The following DNAJC15 variants were observed in gnomAD, a reference collection of about 807,000 sequenced individuals.
DNAJC15 encodes the protein DnaJ heat shock protein family (Hsp40) member C15, also known as dnaJ homolog subfamily C member 15.
In DNAJC15, 27 loss-of-function variants were observed where a neutral mutation model predicts 22.4. That is an observed-to-expected ratio of 1.20 (90% CI 0.89 to 1.66). The LOEUF is 1.66. Ranked by LOEUF, DNAJC15 falls within the 40% of genes most tolerant of loss-of-function variation. The probability of loss-of-function intolerance (pLI) is 0.00; values close to 1 mark genes in which losing one functional copy is unlikely to be tolerated. For missense variants in DNAJC15, 208 were observed against 187.1 expected (o/e 1.11, Z -0.65); for synonymous variants, 79 against 63.2 (o/e 1.25, Z -1.19).
intron 5 of DNAJC15, among the ~76,000 whole-genome samples, chr13:43,095,651 G>A (rs540349094): frequency 1.4e-3 from 206 of 152,146 alleles, no homozygotes; most frequent in Non-Finnish European, 2.2e-3. Context: ...GTTAGAAAAG[G>A]GGAAATCATC....
At chr13:43,076,316 C>T (rs1207112758) in intron 3 of DNAJC15, among the ~76,000 whole-genome samples, 1 of 152,076 alleles carries the variant, frequency 6.6e-6, no homozygotes, top group East Asian at 1.9e-4. Context: ...AATTAATTGC[C>T]AGGAATTATT....
intron 1 of DNAJC15, among the ~76,000 whole-genome samples, chr13:43,053,910 TCTCTTGTTTGATTG>T (rs2040517489): frequency 6.6e-6 from 1 of 152,202 alleles, no homozygotes; most frequent in South Asian, 2.1e-4. Context: ...TTTATTTCCC[TCTCTTGTTTGATTG>T]CTCTGGCTAG....
At chr13:43,090,400 C>T (rs962568835) in intron 5 of DNAJC15, among the ~76,000 whole-genome samples, 1 of 152,124 alleles carries the variant, frequency 6.6e-6, no homozygotes, top group African/African-American at 2.4e-5. Flanking sequence ...TAGTTCATTA[C>T]GTAGGAACTA....
At chr13:43,039,545 T>G (rs2040443704) in intron 1 of DNAJC15, among the ~76,000 whole-genome samples, 1 of 152,200 alleles carries the variant, frequency 6.6e-6, no homozygotes, top group Non-Finnish European at 1.5e-5. Context: ...AAGGCTAATT[T>G]GAAGACATAG....
chr13:43,038,536 T>C (rs1032370824), intron 1 of DNAJC15, among the ~76,000 whole-genome samples: 2 of 152,182 alleles, frequency 1.3e-5, no homozygotes, highest in Non-Finnish European at 2.9e-5. Flanking sequence ...CTCATGCCTG[T>C]AATCCCAGCA....
At chr13:43,099,830 G>C (rs1056027461) in intron 5 of DNAJC15, among the ~76,000 whole-genome samples, 1 of 151,972 alleles carries the variant, frequency 6.6e-6, no homozygotes, top group South Asian at 2.1e-4. Context: ...GCTGGGTTTG[G>C]TTTGCTAGTA....
At chr13:43,083,031 G>A (rs2040670405) in intron 4 of DNAJC15, among the ~76,000 whole-genome samples, 1 of 151,796 alleles carries the variant, frequency 6.6e-6, no homozygotes, top group African/African-American at 2.4e-5. Context: ...AAAATTATTT[G>A]CATAGTAATC....
chr13:43,053,195 G>C (rs2040513607), intron 1 of DNAJC15, among the ~76,000 whole-genome samples: 1 of 152,072 alleles, frequency 6.6e-6, no homozygotes, highest in Non-Finnish European at 1.5e-5. Context: ...TTGCTTTGTG[G>C]AAGATCAGTT....
In DNAJC15 at chr13:43,108,671, G is replaced by A. The variant is rs1444801479; in HGVS notation, c.*1423G>A. The A allele has an allele frequency of 6.6e-6, 1 of 152,082 alleles. No individual in the cohort carries two copies. The highest frequency in any genetic ancestry group is 1.9e-4 in the East Asian group (1 of 5,196). The allele number at this position is 152,082 out of a possible 1,614,324, so 9.4% of individuals were successfully genotyped here. On this transcript the variant is annotated 3_prime_UTR_variant, in exon 6 of 6. Coordinates refer to ENST00000379221, the MANE Select transcript of DNAJC15 (RefSeq NM_013238.3). ...GTCTCTTGTGCGTTTTAGATGATTAGCAATAATCCCTGACCTGTTATCTAC... is the reference window on the plus strand; with the variant it reads ...GTCTCTTGTGCGTTTTAGATGATTAACAATAATCCCTGACCTGTTATCTAC...
chr13:43,039,643 A>G (rs1727668455), intron 1 of DNAJC15, among the ~76,000 whole-genome samples: 1 of 152,224 alleles, frequency 6.6e-6, no homozygotes, highest in Non-Finnish European at 1.5e-5. Context: ...ATAAAATGAT[A>G]AAAGCTGTTG....
Position 43,072,687 on chromosome 13 carries a change from C to T in DNAJC15, c.234+3684C>T, listed in dbSNP as rs774818198. The stretch of plus-strand genomic sequence containing the variant: ...TAAGTGATTTTCCTACCTCAGCTTC[C>T]TAAGTAGTTGGGATTGCAGGCACTC... On this transcript the variant is annotated intron_variant, in intron 3 of 5. Transcript: ENST00000379221. Among the ~76,000 whole-genome samples the T allele has an allele frequency of 1.1e-3, 171 of 152,090 alleles. 2 individuals are homozygous for T. Among genetic ancestry groups the T allele is most frequent in the Non-Finnish European group, 6.5e-4 (44 of 68,010 alleles).
Position 43,052,655 on chromosome 13 carries a change from G to A in DNAJC15, c.109-13031G>A, listed in dbSNP as rs149914668. Among the ~76,000 whole-genome samples the A allele has an allele frequency of 8.5e-3, 1,289 of 152,284 alleles. 9 individuals carry two copies. The highest frequency in any genetic ancestry group is 0.027 in the Middle Eastern group (8 of 294). On this transcript the variant is annotated intron_variant, in intron 1 of 5. Coordinates refer to ENST00000379221, the MANE Select transcript of DNAJC15 (RefSeq NM_013238.3). The stretch of plus-strand genomic sequence containing the variant: ...GGTCTCGAACTCCCTGACCTCAGGT[G>A]ATCCACCTGCCTTGGCCTCCCAAAA...
chr13:43,071,177 T>C (rs1029832174), intron 3 of DNAJC15, among the ~76,000 whole-genome samples: 1 of 152,164 alleles, frequency 6.6e-6, no homozygotes, highest in African/African-American at 2.4e-5. Flanking sequence ...TCTTCAGTAG[T>C]TGGTAGAGGC....
intron 3 of DNAJC15, among the ~76,000 whole-genome samples, chr13:43,072,224 TTTC>T (rs2040612573): frequency 6.6e-6 from 1 of 152,192 alleles, no homozygotes; most frequent in African/African-American, 2.4e-5. Context: ...GGATTTTCTC[TTTC>T]TTACTGATGT....
intron 5 of DNAJC15, among the ~76,000 whole-genome samples, chr13:43,092,460 T>C (rs1451220803): frequency 4.6e-5 from 7 of 152,044 alleles, no homozygotes; most frequent in Non-Finnish European, 8.8e-5. Flanking sequence ...TTACATTTAA[T>C]GTAGTTTACT....
chr13:43,072,533 C>T (rs2040613762), intron 3 of DNAJC15, among the ~76,000 whole-genome samples: 1 of 151,716 alleles, frequency 6.6e-6, no homozygotes, highest in Non-Finnish European at 1.5e-5. Flanking sequence ...TGGCCTTTAG[C>T]AATGTCTATT....
In DNAJC15 at chr13:43,085,833, A is replaced by C; in HGVS notation, c.377A>C (p.Asp126Ala). The C allele has an allele frequency of 3.1e-6, 5 of 1,613,084 alleles. No individual in the cohort carries two copies. Among genetic ancestry groups the C allele is most frequent in the Non-Finnish European group, 4.2e-6 (5 of 1,179,588 alleles). ...AGAGTCATGATTTTGAATCACCCAG[A>C]TAAAGGTAGGTAGAATTCCTATTTT... Reference protein sequence around the residue: ...HRRVMILNHPDKGGSPYVAAK... With the variant: ...HRRVMILNHPAKGGSPYVAAK... Residue 126 changes from aspartate to alanine, a missense_variant, in exon 5 of 6, where the codon GAT (aspartate) becomes GCT (alanine). Physicochemically the swap from Asp to Ala is moderately radical, Grantham distance 126. Coordinates refer to ENST00000379221, the MANE Select transcript of DNAJC15 (RefSeq NM_013238.3).
chr13:43,068,521 A>T (rs1464645112), intron 2 of DNAJC15, among the ~76,000 whole-genome samples: 1 of 152,126 alleles, frequency 6.6e-6, no homozygotes, highest in Non-Finnish European at 1.5e-5. Context: ...TTTCAAAGTG[A>T]TTATCATAAA....
chr13:43,103,997 A>G (rs1355271234), intron 5 of DNAJC15, among the ~76,000 whole-genome samples: 1 of 152,204 alleles, frequency 6.6e-6, no homozygotes, highest in Non-Finnish European at 1.5e-5. Flanking sequence ...TCTTAAAAGT[A>G]TAGTCTCTTA....
Sources: allele counts gnomAD v4.1 joint callset (sites outside exome capture counted in the v4.1 genomes callset), GRCh38; gene constraint gnomAD v4.1.1; transcripts MANE v1.5; gene names NCBI Gene and HGNC (gene_info 2026-07-23, HGNC 2026-07-21).